The following TRIO variants were observed in gnomAD, a reference collection of about 807,000 sequenced individuals.
TRIO encodes the protein triple functional domain protein.
TRIO carries 58 observed loss-of-function variants against 351.9 expected under a neutral mutation model. The observed-to-expected ratio is 0.16, with a 90% CI of 0.13 to 0.21. TRIO has a LOEUF of 0.21. Among genes scored for constraint, TRIO ranks in the 10% least tolerant of loss-of-function variants. The probability of loss-of-function intolerance (pLI) is 1.00; values close to 1 mark genes in which losing one functional copy is unlikely to be tolerated. For missense variants in TRIO, 3,201 were observed against 4,027.8 expected, an observed-to-expected ratio of 0.79 and a Z score of 5.56; for synonymous variants, 1,758 against 1,595.7, an observed-to-expected ratio of 1.10 and a Z score of -2.42.
intron 33 of TRIO, among the ~76,000 whole-genome samples, chr5:14,408,057 A>T (rs1042123095): frequency 1.3e-5 from 2 of 152,224 alleles, no homozygotes; most frequent in Non-Finnish European, 2.9e-5. Flanking sequence ...TGTTCTCTGC[A>T]CATCATTTCC....
At chr5:14,245,746 G>A (rs1428475622) in intron 1 of TRIO, among the ~76,000 whole-genome samples, 2 of 152,220 alleles carry the variant, frequency 1.3e-5, no homozygotes, top group Non-Finnish European at 2.9e-5. Context: ...GGCAAATGAA[G>A]GGCAGGCGTA....
chr5:14,306,556 G>T lies in TRIO; in HGVS notation c.1500+1964G>T, dbSNP rs116092773. Among the ~76,000 whole-genome samples, 237 of 152,332 alleles carry T rather than the reference G, an allele frequency of 1.6e-3. 3 individuals are homozygous for T. The highest frequency in any genetic ancestry group is 5.5e-3 in the African/African-American group (227 of 41,582). On this transcript the variant is annotated intron_variant, in intron 8 of 56. Coordinates refer to ENST00000344204, the MANE Select transcript of TRIO (RefSeq NM_007118.4). Reference sequence around the variant, plus strand: ...GAGGCCTCCACTCATCTGCTTATATGAATCTCTTGCTTTGGAGCTGTTCTT... The same window carrying T: ...GAGGCCTCCACTCATCTGCTTATATTAATCTCTTGCTTTGGAGCTGTTCTT...
chr5:14,210,227 T>C (rs1791799248), intron 1 of TRIO, among the ~76,000 whole-genome samples: 1 of 152,202 alleles, frequency 6.6e-6, no homozygotes, highest in African/African-American at 2.4e-5. Flanking sequence ...TGAAATGGCA[T>C]GAAATTAAAC....
intron 34 of TRIO, among the ~76,000 whole-genome samples, chr5:14,453,539 T>C: frequency 6.6e-6 from 1 of 152,224 alleles, no homozygotes; most frequent in Non-Finnish European, 1.5e-5. Context: ...CATCCTACAT[T>C]TATAAACACT....
intron 1 of TRIO, among the ~76,000 whole-genome samples, chr5:14,192,943 A>G (rs1790544922): frequency 1.3e-5 from 2 of 152,258 alleles, no homozygotes; most frequent in Middle Eastern, 3.2e-3. Context: ...AAAATGCCAT[A>G]TATGGCATTG....
intron 2 of TRIO, among the ~76,000 whole-genome samples, chr5:14,274,751 G>T (rs1312781801): frequency 6.6e-6 from 1 of 152,100 alleles, no homozygotes; most frequent in Non-Finnish European, 1.5e-5. Flanking sequence ...TATTTCAAAT[G>T]CATGATTTTA....
chr5:14,378,539 A>G (rs1041094680), intron 20 of TRIO, among the ~76,000 whole-genome samples: 1 of 151,792 alleles, frequency 6.6e-6, no homozygotes, highest in African/African-American at 2.4e-5. Flanking sequence ...AGGAAATGTG[A>G]CAGAATATCT....
chr5:14,355,775 G>A (rs1743564205), intron 11 of TRIO, among the ~76,000 whole-genome samples: 1 of 152,212 alleles, frequency 6.6e-6, no homozygotes, highest in Non-Finnish European at 1.5e-5. Flanking sequence ...TATAGATGGT[G>A]CAGAGCATCA....
chr5:14,461,909 A>T (rs944476783), intron 35 of TRIO, among the ~76,000 whole-genome samples: 1 of 152,264 alleles, frequency 6.6e-6, no homozygotes, highest in South Asian at 2.1e-4. Context: ...AGGTAAGTGC[A>T]TGTAGGTCAG....
At chr5:14,465,719 G>T in intron 37 of TRIO, 79 bp downstream of exon 37, 1 of 1,482,154 alleles carries the variant, frequency 6.7e-7, no homozygotes, top group African/African-American at 1.4e-5. Flanking sequence ...CCTTGTCTTT[G>T]TATTGCTCTG....
At chr5:14,368,452 C>A (rs944733578) in intron 16 of TRIO, among the ~76,000 whole-genome samples, 3 of 152,196 alleles carry the variant, frequency 2.0e-5, no homozygotes, top group South Asian at 2.1e-4. Flanking sequence ...AAGAACCCTA[C>A]AACCGAGACC....
At chr5:14,144,010 C>A in intron 1 of TRIO, 128 bp downstream of exon 1, 1 of 680,526 alleles carries the variant, frequency 1.5e-6, no homozygotes, top group Non-Finnish European at 1.8e-6. Flanking sequence ...GGCCCGCAGG[C>A]TCTCGCCTGG....
chr5:14,496,394 C>A (rs551972049), intron 49 of TRIO, among the ~76,000 whole-genome samples: 1 of 152,160 alleles, frequency 6.6e-6, no homozygotes, highest in African/African-American at 2.4e-5. Context: ...CCGGAGAGCA[C>A]GTGGTGCAGG....
chr5:14,349,173 G>A (rs774713982), intron 11 of TRIO, among the ~76,000 whole-genome samples: 8 of 150,542 alleles, frequency 5.3e-5, no homozygotes, highest in Non-Finnish European at 1.2e-4. Flanking sequence ...ACGTGAGCAT[G>A]TGTGTTTTTC....
chr5:14,399,728 T>C (rs933602004), intron 30 of TRIO, among the ~76,000 whole-genome samples: 1 of 152,306 alleles, frequency 6.6e-6, no homozygotes, highest in South Asian at 2.1e-4. Context: ...CTGGCTAGCC[T>C]TACCAGCCTC....
chr5:14,167,277 A>G (rs1256018109), intron 1 of TRIO, among the ~76,000 whole-genome samples: 5 of 151,656 alleles, frequency 3.3e-5, no homozygotes, highest in Non-Finnish European at 7.4e-5. Context: ...TCTTGGGTAT[A>G]TTTTTACAGG....
chr5:14,416,295 G>T (rs1024512930), intron 33 of TRIO, among the ~76,000 whole-genome samples: 1 of 146,296 alleles, frequency 6.8e-6, no homozygotes. Context: ...ACACAGAAAA[G>T]TTTTTTTTTT....
Position 14,498,581 on chromosome 5 carries a change from C to A in TRIO, c.8273C>A (p.Thr2758Lys), listed in dbSNP as rs148196343. The A allele has an allele frequency of 6.2e-7, 1 of 1,614,226 alleles. No homozygotes were observed. Among genetic ancestry groups the A allele is most frequent in the East Asian group, 2.2e-5 (1 of 44,884 alleles). ...ACCACGGAAGATGACGGCATCTACACGTGCATCGCTGTCAATGACATGGGT... is the reference window on the plus strand; with the variant it reads ...ACCACGGAAGATGACGGCATCTACAAGTGCATCGCTGTCAATGACATGGGT... ...GVTTEDDGIY[T>K]CIAVNDMGSA... Residue 2758 changes from threonine (T) to lysine (K), a missense_variant, in exon 53 of 57, where the codon ACG (threonine) becomes AAG (lysine). By Grantham distance (78) the Thr-to-Lys change is moderately conservative (BLOSUM62 -1). Coordinates refer to ENST00000344204, the MANE Select transcript of TRIO (RefSeq NM_007118.4).
intron 34 of TRIO, among the ~76,000 whole-genome samples, chr5:14,452,797 T>C (rs963882809): frequency 7.9e-5 from 12 of 152,226 alleles, no homozygotes; most frequent in African/African-American, 2.9e-4. Flanking sequence ...TTAAGACTTT[T>C]TTACCATTGT....
Sources: allele counts gnomAD v4.1 joint callset (sites outside exome capture counted in the v4.1 genomes callset), GRCh38; gene constraint gnomAD v4.1.1; transcripts MANE v1.5; gene names NCBI Gene and HGNC (gene_info 2026-07-23, HGNC 2026-07-21).